KCNQ5: variants seen among roughly 807,000 people sequenced by gnomAD.
KCNQ5 encodes the protein potassium voltage-gated channel subfamily KQT member 5.
Under a neutral mutation model 98.2 loss-of-function variants are expected in KCNQ5, and 30 were observed. The ratio of observed to expected loss-of-function variants is 0.31; its 90% confidence interval spans 0.23 to 0.41. The LOEUF (loss-of-function observed/expected upper bound fraction) is 0.41. KCNQ5 is among the 10% of genes least tolerant of loss of function. The pLI is 1.00. For synonymous variants in KCNQ5, 458 were observed against 449.4 expected (o/e 1.02, Z -0.24); for missense variants, 835 against 1,182.5 (o/e 0.71, Z 4.31).
At chr6:72,889,827 T>G (rs1319479975) in intron 1 of KCNQ5, among the ~76,000 whole-genome samples, 1 of 152,220 alleles carries the variant, frequency 6.6e-6, no homozygotes, top group East Asian at 1.9e-4. Context: ...CTAGAAAACA[T>G]GTACATCCAC....
chr6:72,677,296 T>A (rs953918379), intron 1 of KCNQ5: 4 of 152,240 alleles, frequency 2.6e-5, no homozygotes, highest in African/African-American at 9.6e-5. Flanking sequence ...CTGGTGAGAT[T>A]GATTATCTTT....
intron 1 of KCNQ5, among the ~76,000 whole-genome samples, chr6:72,806,666 G>T (rs1327669526): frequency 6.6e-6 from 1 of 151,982 alleles, no homozygotes; most frequent in Non-Finnish European, 1.5e-5. Context: ...CCAAGATGTT[G>T]GCCCAATATT....
chr6:72,846,931 G>C (rs112340489), intron 1 of KCNQ5, among the ~76,000 whole-genome samples: 2,363 of 152,192 alleles, frequency 0.016, 23 homozygotes, highest in Non-Finnish European at 0.025. Context: ...GGATAAATAA[G>C]TTATTTAAAA....
chr6:72,963,477 G>T (rs540090514), intron 1 of KCNQ5, among the ~76,000 whole-genome samples: 6 of 152,114 alleles, frequency 3.9e-5, no homozygotes, highest in African/African-American at 1.4e-4. Flanking sequence ...AAATGCCATA[G>T]AAAATCAATT....
intron 1 of KCNQ5, among the ~76,000 whole-genome samples, chr6:72,722,709 T>A (rs1248958272): frequency 6.6e-6 from 1 of 152,162 alleles, no homozygotes; most frequent in Non-Finnish European, 1.5e-5. Context: ...ATTCAGACCA[T>A]GTTGTTGACA....
intron 1 of KCNQ5, among the ~76,000 whole-genome samples, chr6:72,794,922 A>C (rs1203264913): frequency 6.6e-6 from 1 of 152,188 alleles, no homozygotes; most frequent in Non-Finnish European, 1.5e-5. Context: ...AGCAAAAAAC[A>C]AAATGTTAGG....
intron 11 of KCNQ5, among the ~76,000 whole-genome samples, chr6:73,189,215 T>G (rs76412195): frequency 0.028 from 4,262 of 152,282 alleles, 187 homozygotes; most frequent in African/African-American, 0.097. Context: ...ATTAAAACAC[T>G]AATTTTCTTT....
At chr6:73,093,590 T>C (rs555062640) in intron 5 of KCNQ5, among the ~76,000 whole-genome samples, 1 of 152,190 alleles carries the variant, frequency 6.6e-6, no homozygotes, top group Non-Finnish European at 1.5e-5. Context: ...GTCCCAGAGA[T>C]CTTGATATGT....
chr6:73,074,652 C>T (rs1323289361), intron 3 of KCNQ5, among the ~76,000 whole-genome samples: 1 of 151,318 alleles, frequency 6.6e-6, no homozygotes, highest in East Asian at 1.9e-4. Flanking sequence ...AAAATGAATA[C>T]AATATATGCT....
chr6:72,682,400 A>C (rs1767752655), intron 1 of KCNQ5, among the ~76,000 whole-genome samples: 1 of 152,060 alleles, frequency 6.6e-6, no homozygotes, highest in African/African-American at 2.4e-5. Flanking sequence ...CAGCTCTACT[A>C]TCCTCTGATT....
intron 1 of KCNQ5, among the ~76,000 whole-genome samples, chr6:72,816,263 G>A (rs551602548): frequency 3.3e-5 from 5 of 152,156 alleles, no homozygotes; most frequent in South Asian, 2.1e-4. Context: ...AGTAGTAAGG[G>A]TCAAAGGCAT....
chr6:72,630,217 T>C (rs981418069), intron 1 of KCNQ5, among the ~76,000 whole-genome samples: 19 of 152,194 alleles, frequency 1.2e-4, no homozygotes, highest in Non-Finnish European at 2.4e-4. Flanking sequence ...TTAAATTTAC[T>C]CTTGATAATA....
At chr6:72,783,125 A>G (rs1773570521) in intron 1 of KCNQ5, among the ~76,000 whole-genome samples, 1 of 152,204 alleles carries the variant, frequency 6.6e-6, no homozygotes, top group Non-Finnish European at 1.5e-5. Context: ...GGCACAAAAC[A>G]GTTATGAGTG....
At chr6:73,055,447 T>C (rs891388245) in intron 3 of KCNQ5, 10 of 1,544,508 alleles carry the variant, frequency 6.5e-6, no homozygotes, top group South Asian at 1.1e-5. Context: ...GCTCCTATGA[T>C]GTCCCACCAC....
At chr6:72,752,544 C>A (rs1183046088) in intron 1 of KCNQ5, among the ~76,000 whole-genome samples, 1 of 152,086 alleles carries the variant, frequency 6.6e-6, no homozygotes, top group Non-Finnish European at 1.5e-5. Flanking sequence ...CTCTGCCCCA[C>A]CCATTGATAT....
intron 1 of KCNQ5, among the ~76,000 whole-genome samples, chr6:72,927,634 T>G (rs1765488163): frequency 1.3e-5 from 2 of 152,056 alleles, no homozygotes; most frequent in African/African-American, 2.4e-5. Flanking sequence ...GAAAATAAAC[T>G]ATTTAAAGAT....
intron 1 of KCNQ5, among the ~76,000 whole-genome samples, chr6:72,787,138 C>A (rs28466575): frequency 0.031 from 4,661 of 152,080 alleles, 252 homozygotes; most frequent in African/African-American, 0.11. Flanking sequence ...CAGCCCCCCA[C>A]CTGTTTTTGT....
chr6:72,931,609 G>T lies in KCNQ5; in HGVS notation c.399-72299G>T, dbSNP rs545865570. Among the ~76,000 whole-genome samples the T allele has an allele frequency of 2.6e-4, 39 of 152,308 alleles. 2 individuals carry two copies. The South Asian group carries it at 7.9e-3, about 31-fold the overall frequency. On this transcript the variant is annotated intron_variant, in intron 1 of 13. Transcript: ENST00000370398. Reference sequence around the variant, plus strand: ...AAATCCTAAGTCAGCAGGTGGGAAAGCCAAGAAACCTGATTTATATTGCAG... The same window carrying T: ...AAATCCTAAGTCAGCAGGTGGGAAATCCAAGAAACCTGATTTATATTGCAG...
At chr6:72,693,554 A>G (rs7760979) in intron 1 of KCNQ5, among the ~76,000 whole-genome samples, 35,358 of 151,966 alleles carry the variant, frequency 0.23, 5,392 homozygotes, top group East Asian at 0.5. Context: ...AAAAAAGGGT[A>G]AGATTGCAGG....
Sources: gnomAD v4.1 joint callset for allele counts (sites outside exome capture counted in the v4.1 genomes callset) on GRCh38, gnomAD v4.1.1 for gene constraint, MANE v1.5 for transcripts, NCBI Gene and HGNC (gene_info 2026-07-23, HGNC 2026-07-21) for gene names.